Variants in TOP3A observed in about 807,000 individuals in gnomAD.
TOP3A encodes the protein DNA topoisomerase 3-alpha.
In TOP3A, 64 loss-of-function variants were observed where a neutral mutation model predicts 111.3. That is an observed-to-expected ratio of 0.57 (90% CI 0.47 to 0.71). TOP3A has a LOEUF of 0.71. Among genes scored for constraint, TOP3A ranks in the 30% least tolerant of loss-of-function variants. The pLI is 0.00. For synonymous variants in TOP3A, 484 were observed against 485.1 expected (o/e 1.00, Z 0.03); for missense variants, 1,104 against 1,285.0 (o/e 0.86, Z 2.15).
chr17:18,299,710 C>T (rs1981104367), intron 8 of TOP3A, 77 bp from the exon 9 acceptor site: 1 of 1,379,164 alleles, frequency 7.3e-7, no homozygotes, highest in Non-Finnish European at 1.0e-6. Flanking sequence ...TAGCCCATGC[C>T]AATCCTTCTA....
rs1979112328 is a variant in TOP3A at position 18,273,288 on chromosome 17, T to C, written c.*1514A>G. 6.6e-6 allele frequency: 1 copy of C among 152,214 alleles called. No individual in the cohort carries two copies. The highest frequency in any genetic ancestry group is 1.5e-5 in the Non-Finnish European group (1 of 68,048). 9.4% of individuals were successfully genotyped at this position (152,214 alleles called of 1,614,324 possible). On this transcript the variant is annotated 3_prime_UTR_variant, in exon 19 of 19. Coordinates refer to ENST00000321105, the MANE Select transcript of TOP3A (RefSeq NM_004618.5). The stretch of plus-strand genomic sequence containing the variant: ...TGTAAATCAGAGTCCATATGGCTTG[T>C]ATTATTCACAAGGTTTTTGTGAAGG...
At chr17:18,287,595 A>G (rs1243263937) in intron 13 of TOP3A, among the ~76,000 whole-genome samples, 1 of 152,138 alleles carries the variant, frequency 6.6e-6, no homozygotes, top group African/African-American at 2.4e-5. Context: ...ACATGCCTGT[A>G]GTCCCAGCTA....
rs141787612 is a variant in TOP3A, at chr17:18,290,931, T to C, written c.1378A>G (p.Ile460Val). 9.0e-5 allele frequency: 146 copies of C among 1,614,188 alleles called. 1 individual carries two copies. In the East Asian group the frequency reaches 3.2e-3, roughly 35 times the overall value. The change falls in exon 12 of 19, where the codon ATC becomes GTC. Residue 460 changes from isoleucine to valine, a missense_variant. Ile to Val is a conservative substitution (Grantham distance 29). Coordinates refer to ENST00000321105, the MANE Select transcript of TOP3A (RefSeq NM_004618.5). ...TGGGCCACAAAGCGTTCCTGAGCGA[T>C]GTCGATCTCCACTGTGGTCTCCTGC... Reference protein sequence around the residue: ...QGQETTVEIDIAQERFVAHGL... With the variant: ...QGQETTVEIDVAQERFVAHGL...
chr17:18,305,271 G>T, intron 4 of TOP3A, 51 bp from the exon 5 acceptor site: 2 of 1,436,784 alleles, frequency 1.4e-6, no homozygotes, highest in South Asian at 1.2e-5. Context: ...GCACAACAGT[G>T]ACTTGACATC....
chr17:18,290,461 G>C lies in TOP3A; in HGVS notation c.1597+96C>G, dbSNP rs138772448. On this transcript the variant is annotated intron_variant, in intron 13 of 18. Transcript: ENST00000321105. ...AAAATGGGATAAAGATATAGCAGCTGCATTAGAGAATGGTTTGAAGACTAG... is the reference window on the plus strand; with the variant it reads ...AAAATGGGATAAAGATATAGCAGCTCCATTAGAGAATGGTTTGAAGACTAG... 1.1e-4 allele frequency: 151 copies of C among 1,313,094 alleles called. No homozygotes were observed. In the African/African-American group the frequency reaches 2.1e-3, roughly 18 times the overall value. The allele number at this position is 1,313,094 out of a possible 1,614,324, so 81.3% of individuals were successfully genotyped here.
rs1477499868 is a variant in TOP3A at position 18,302,582 on chromosome 17, A to C, written c.641T>G (p.Ile214Ser). ...GAGAGGTCTGCCTAGCTCCTCACCA[A>C]TCCTCAGGTCCAGCTCCTGCCTCAC... ...VDVRQELDLR[I>S]GAAFTRFQTL... Residue 214 changes from isoleucine to serine, a missense_variant and splice_region_variant, in exon 6 of 19, where the codon ATT (isoleucine) becomes AGT (serine). Transcript: ENST00000321105. 2 of 1,613,914 alleles carry C rather than the reference A, an allele frequency of 1.2e-6. No homozygotes were observed. Among genetic ancestry groups the C allele is most frequent in the Non-Finnish European group, 8.5e-7 (1 of 1,179,854 alleles).
chr17:18,277,014 G>A (rs140495557), intron 18 of TOP3A, among the ~76,000 whole-genome samples: 83 of 152,132 alleles, frequency 5.5e-4, no homozygotes, highest in African/African-American at 1.9e-3. Flanking sequence ...TGAAACCCCC[G>A]TCTCTACTAA....
intron 2 of TOP3A, 84 bp downstream of exon 2, chr17:18,308,798 A>G: frequency 2.3e-6 from 2 of 857,574 alleles, no homozygotes; most frequent in South Asian, 2.0e-5. Context: ...TATTCTTAAG[A>G]CAGCGACATA....
At chr17:18,305,484 ACACGCGCGCG>A (rs921373730) in intron 4 of TOP3A, among the ~76,000 whole-genome samples, 17 of 147,880 alleles carry the variant, frequency 1.1e-4, no homozygotes, top group Admixed American at 2.1e-4. Flanking sequence ...TAACACACAC[ACACGCGCGCG>A]CGCGCGCGCG....
intron 13 of TOP3A, among the ~76,000 whole-genome samples, chr17:18,288,676 T>C (rs1202256281): frequency 3.9e-5 from 6 of 152,160 alleles, no homozygotes; most frequent in Non-Finnish European, 8.8e-5. Context: ...CCTGCTCCTG[T>C]GCCCTTCCTC....
In TOP3A at chr17:18,290,842, C is replaced by T; in HGVS notation, c.1467G>A (p.Lys489=). The change falls in exon 12 of 19, where the codon AAG becomes AAA. Residue 489 remains lysine, a splice_region_variant and synonymous_variant. Coordinates refer to ENST00000321105, the MANE Select transcript of TOP3A (RefSeq NM_004618.5). ...DVYPYDHWSD[K]ILPVYEQGSH... is the part of the protein sequence containing the mutation. ...CTCACTGGGGACCACTCTTTATTAC[C>T]TTGTCACTCCAGTGATCATATGGAT... The T allele has an allele frequency of 6.2e-7, 1 of 1,613,828 alleles. No homozygotes were observed. The highest frequency in any genetic ancestry group is 1.1e-5 in the South Asian group (1 of 91,076).
intron 9 of TOP3A, among the ~76,000 whole-genome samples, chr17:18,299,181 T>G (rs1451333701): frequency 2.0e-5 from 3 of 152,054 alleles, no homozygotes; most frequent in Non-Finnish European, 4.4e-5. Flanking sequence ...ATCCCAGTAC[T>G]TTGGGAGGCT....
At chr17:18,306,801 C>T in intron 4 of TOP3A, 90 bp downstream of exon 4, 1 of 873,324 alleles carries the variant, frequency 1.1e-6, no homozygotes, top group Non-Finnish European at 1.8e-6. Flanking sequence ...AAAACCTTAT[C>T]TCCAAATGCC....
At chr17:18,296,117 A>C (rs1980787433) in intron 9 of TOP3A, among the ~76,000 whole-genome samples, 1 of 152,176 alleles carries the variant, frequency 6.6e-6, no homozygotes, top group Non-Finnish European at 1.5e-5. Context: ...TAACACAGAC[A>C]GTCTGAGAAC....
In TOP3A at chr17:18,274,803, C is replaced by A. The variant is rs1330937382; in HGVS notation, c.3005G>T (p.Ter1002LeuextTer22). 6.2e-7 allele frequency: 1 copy of A among 1,613,852 alleles called. No homozygotes were observed. Among genetic ancestry groups the A allele is most frequent in the African/African-American group, 1.3e-5 (1 of 74,920 alleles). ...GGCGTTCTCTACCCTACCCTGAGCT[C>A]ATCTGTTCTGAGGACAAAAGGGACG... The part of the protein sequence containing the change: ...HTRPFCPQNR[*>L] The change falls in exon 19 of 19, where the codon TGA becomes TTA. Residue 1002 changes from the stop codon to leucine, a stop_lost. Transcript: ENST00000321105.
intron 10 of TOP3A, among the ~76,000 whole-genome samples, chr17:18,293,820 C>T (rs1024951988): frequency 9.9e-5 from 15 of 152,112 alleles, no homozygotes; most frequent in Non-Finnish European, 1.5e-5. Flanking sequence ...TGGTCTCGAA[C>T]TCCTGACCTC....
At chr17:18,309,642 A>C (rs1822028520) in intron 1 of TOP3A, among the ~76,000 whole-genome samples, 2 of 152,034 alleles carry the variant, frequency 1.3e-5, no homozygotes, top group African/African-American at 4.8e-5. Context: ...AGACTGTCTC[A>C]AAAAACAAAA....
chr17:18,274,786 C>T lies in TOP3A; in HGVS notation c.*16G>A. ...GACAGGTCTGAGAAAGTGGCGTTCT[C>T]TACCCTACCCTGAGCTCATCTGTTC... On this transcript the variant is annotated 3_prime_UTR_variant, in exon 19 of 19. Coordinates refer to ENST00000321105, the MANE Select transcript of TOP3A (RefSeq NM_004618.5). 6.2e-7 allele frequency: 1 copy of T among 1,605,316 alleles called. No individual in the cohort carries two copies. The highest frequency in any genetic ancestry group is 1.1e-5 in the South Asian group (1 of 90,768).
chr17:18,290,454 A>C, intron 13 of TOP3A, 103 bp downstream of exon 13: 3 of 1,257,376 alleles, frequency 2.4e-6, no homozygotes, highest in Non-Finnish European at 3.2e-6. Flanking sequence ...ATAAAGATAT[A>C]GCAGCTGCAT....
Sources: gnomAD v4.1 joint callset for allele counts (sites outside exome capture counted in the v4.1 genomes callset) on GRCh38, gnomAD v4.1.1 for gene constraint, MANE v1.5 for transcripts, NCBI Gene and HGNC (gene_info 2026-07-23, HGNC 2026-07-21) for gene names.